CXXC1: variants seen among roughly 807,000 people sequenced by gnomAD.
CXXC1 encodes CXXC finger protein 1.
A neutral mutation model predicts 83.6 loss-of-function variants in CXXC1; 21 were observed. The observed-to-expected ratio is 0.25, with a 90% confidence interval of 0.18 to 0.36. The LOEUF is 0.36. CXXC1 is among the 10% of genes least tolerant of loss of function. CXXC1 has a pLI of 1.00. For synonymous variants in CXXC1, 371 were observed against 337.5 expected (o/e 1.10, Z -1.09); for missense variants, 688 against 919.5 (o/e 0.75, Z 3.26).
In CXXC1 at chr18:50,287,594, C is replaced by T. The variant is rs751211763; in HGVS notation, c.-5G>A. 5 of 1,611,628 alleles carry T rather than the reference C, an allele frequency of 3.1e-6. No homozygotes were observed. The highest frequency in any genetic ancestry group is 4.2e-6 in the Non-Finnish European group (5 of 1,179,860). ...CCTGGACCCGCTACTTACCATATCT[C>T]CGCTCCCGGCGCACTCCCTCACGAC... On this transcript the variant is annotated 5_prime_UTR_variant, in exon 1 of 15. Coordinates refer to ENST00000285106, the MANE Select transcript of CXXC1 (RefSeq NM_014593.4).
rs2040706550 is a variant in CXXC1, at chr18:50,285,997, C to A, written c.459+25G>T. ...GCTGAAACGGAACCACTTTACACAT[C>A]CATTCACTTTATGCAGCCACTCACC... On this transcript the variant is annotated intron_variant, in intron 4 of 14. Coordinates refer to ENST00000285106, the MANE Select transcript of CXXC1 (RefSeq NM_014593.4). The surrounding 1 kb of genome is among the most constrained non-coding windows in gnomAD (Gnocchi z 4.4). 6.2e-7 allele frequency: 1 copy of A among 1,613,696 alleles called. No individual in the cohort carries two copies. The highest frequency in any genetic ancestry group is 1.3e-5 in the African/African-American group (1 of 74,946).
At position 50,283,752 on chromosome 18, in the gene CXXC1, T is replaced by C; in HGVS notation, c.1477A>G (p.Ile493Val). 2 of 1,614,230 alleles carry C rather than the reference T, an allele frequency of 1.2e-6. No individual in the cohort carries two copies. Among genetic ancestry groups the C allele is most frequent in the Non-Finnish European group, 1.7e-6 (2 of 1,180,044 alleles). ...TGGCGCAAGGCAACACGTGGGTTGA[T>C]GGGGTGCCCACAGGAAACACAGAAG... ...QIFCVSCGHP[I>V]NPRVALRHME... The change falls in exon 11 of 15, where the codon ATC (isoleucine) becomes GTC (valine). Residue 493 changes from isoleucine (I) to valine (V), a missense_variant. Ile to Val is a conservative substitution (Grantham distance 29, BLOSUM62 3). Coordinates refer to ENST00000285106, the MANE Select transcript of CXXC1 (RefSeq NM_014593.4).
rs2040689953 is a variant in CXXC1, at chr18:50,285,001, C to G, written c.912+1G>C. 1 of 1,614,214 alleles carries G rather than the reference C, an allele frequency of 6.2e-7. No homozygotes were observed. The highest frequency in any genetic ancestry group is 1.1e-5 in the South Asian group (1 of 91,088). On this transcript the variant is annotated splice_donor_variant, in intron 7 of 14. Transcript: ENST00000285106. LOFTEE classifies it high-confidence loss of function. The surrounding 1 kb of genome is among the most constrained non-coding windows in gnomAD (Gnocchi z 4.4). ...ACCAGTGGATGCTCCTGTCTGCTCA[C>G]CAGGCCATGGTCATCAAAGGCCCCT...
rs759232851 is a variant in CXXC1 at position 50,287,641 on chromosome 18, C to T, written c.-52G>A. 2 of 1,605,150 alleles carry T rather than the reference C, an allele frequency of 1.2e-6. No individual in the cohort carries two copies. Among genetic ancestry groups the T allele is most frequent in the Admixed American group, 1.7e-5 (1 of 59,556 alleles). ...CGACCCCCGCCAGCGACCCGCGAACCTGCACAGACCACTCGGCGGCGTCCC... is the reference window on the plus strand; with the variant it reads ...CGACCCCCGCCAGCGACCCGCGAACTTGCACAGACCACTCGGCGGCGTCCC... On this transcript the variant is annotated 5_prime_UTR_variant, in exon 1 of 15. Coordinates refer to ENST00000285106, the MANE Select transcript of CXXC1 (RefSeq NM_014593.4).
At chr18:50,286,715 C>A (rs757739093) in intron 2 of CXXC1, 25 bp downstream of exon 2, 3 of 1,609,848 alleles carry the variant, frequency 1.9e-6, no homozygotes, top group African/African-American at 2.7e-5. Flanking sequence ...CCAGTGTCAG[C>A]CCCGCCCATC....
At position 50,285,040 on chromosome 18, in the gene CXXC1, GATAC is replaced by G; in HGVS notation, c.870_873del (p.Tyr291ArgfsTer16). 1 of 1,614,244 alleles carries G rather than the reference GATAC, an allele frequency of 6.2e-7. No individual in the cohort carries two copies. The highest frequency in any genetic ancestry group is 8.5e-7 in the Non-Finnish European group (1 of 1,180,040). ...TCAAAGGCCCCTGCACAGAAGTCCT[GATAC>G]AGGTCAGGATCCAGAGGTAGGTCCT... On this transcript the variant is annotated frameshift_variant, in exon 7 of 15. Transcript: ENST00000285106. LOFTEE classifies it high-confidence loss of function. The surrounding 1 kb of genome is among the most constrained non-coding windows in gnomAD (Gnocchi z 4.4).
At position 50,284,714 on chromosome 18, in the gene CXXC1, C is replaced by T. The variant is rs1273419471; in HGVS notation, c.1020+18G>A. On this transcript the variant is annotated intron_variant, in intron 8 of 14. Transcript: ENST00000285106. ...CCCACCCTCTGCCTTTCCACATCCA[C>T]TTTACCCTCTCCATCACCTTCTTCT... The T allele has an allele frequency of 6.2e-7, 1 of 1,611,876 alleles. No individual in the cohort carries two copies. Among genetic ancestry groups the T allele is most frequent in the African/African-American group, 1.3e-5 (1 of 74,846 alleles).
chr18:50,287,387 T>C, intron 1 of CXXC1, 200 bp downstream of exon 1: 1 of 625,668 alleles, frequency 1.6e-6, no homozygotes, highest in South Asian at 1.9e-5. Context: ...GAGTCCCCAC[T>C]AAACTTCTAT....
chr18:50,287,236 C>A, intron 1 of CXXC1: 2 of 506,360 alleles, frequency 3.9e-6, no homozygotes, highest in South Asian at 2.5e-5. Context: ...CACCCACCCC[C>A]AGTCGCGGCT....
Position 50,285,968 on chromosome 18 carries a change from C to T in CXXC1, c.460-40G>A. The T allele has an allele frequency of 7.4e-6, 12 of 1,613,876 alleles. No homozygotes were observed. Among genetic ancestry groups the T allele is most frequent in the Non-Finnish European group, 1.0e-5 (12 of 1,180,002 alleles). On this transcript the variant is annotated intron_variant, in intron 4 of 14. Transcript: ENST00000285106. The surrounding 1 kb of genome is among the most constrained non-coding windows in gnomAD (Gnocchi z 4.4). ...CCAGAACAGAAATCATGGACCCAGG[C>T]AGGGCTGAAACGGAACCACTTTACA...
chr18:50,286,467 T>C (rs1346602869), intron 3 of CXXC1, 72 bp downstream of exon 3: 7 of 1,303,082 alleles, frequency 5.4e-6, no homozygotes, highest in Non-Finnish European at 5.5e-6. Flanking sequence ...CTAATCCCCA[T>C]AACCCCCCCT....
intron 13 of CXXC1, 42 bp downstream of exon 13, chr18:50,283,223 G>C: frequency 6.6e-7 from 1 of 1,525,590 alleles, no homozygotes; most frequent in Non-Finnish European, 9.1e-7. Flanking sequence ...CAGCGAGGCA[G>C]GGAGGAGGGG....
rs1388889957 is a variant in CXXC1 at position 50,284,488 on chromosome 18, A to G, written c.1095T>C (p.Asp365=). ...GGGGCAGTGACGCAGGGTCCTTGGCATCAGCCCTCTCTGGGTGTTTCCATT... is the reference window on the plus strand; with the variant it reads ...GGGGCAGTGACGCAGGGTCCTTGGCGTCAGCCCTCTCTGGGTGTTTCCATT... ...KDKWKHPERA[D]AKDPASLPQC... Residue 365 remains aspartate, a synonymous_variant, in exon 9 of 15, where the codon GAT becomes GAC. Transcript: ENST00000285106. 3 of 1,609,736 alleles carry G rather than the reference A, an allele frequency of 1.9e-6. No homozygotes were observed. In the African/African-American group the frequency reaches 4.0e-5, roughly 22 times the overall value.
rs762394389 is a variant in CXXC1, at chr18:50,282,789, C to G, written c.1825-50G>C. ...TAAGCAGGAACACCTGCAGCCCCGC[C>G]TGCCCCGGCCACGTCCGACATGGAA... On this transcript the variant is annotated intron_variant, in intron 14 of 14. Transcript: ENST00000285106. The surrounding 1 kb of genome is among the most constrained non-coding windows in gnomAD (Gnocchi z 5.8). The G allele has an allele frequency of 1.9e-6, 3 of 1,612,000 alleles. No homozygotes were observed. The South Asian group carries it at 3.3e-5, about 18-fold the overall frequency.
rs927717165 is a variant in CXXC1 at position 50,286,603 on chromosome 18, G to T, written c.159C>A (p.Asp53Glu). 6 of 1,614,058 alleles carry T rather than the reference G, an allele frequency of 3.7e-6. No homozygotes were observed. In the African/African-American group the frequency reaches 8.0e-5, roughly 22 times the overall value. ...CDNCNEWFHG[D>E]CIRITEKMAK... ...CCATCTTCTCAGTGATCCGGATGCAGTCCCCATGGAACCACTCATTGCAGT... is the reference window on the plus strand; with the variant it reads ...CCATCTTCTCAGTGATCCGGATGCATTCCCCATGGAACCACTCATTGCAGT... Residue 53 changes from aspartate to glutamate, a missense_variant, in exon 3 of 15, where the codon GAC becomes GAA. Physicochemically the swap from Asp to Glu is conservative, Grantham distance 45 (BLOSUM62 2). Transcript: ENST00000285106.
chr18:50,284,210 G>A, intron 9 of CXXC1, 109 bp from the exon 10 acceptor site: 1 of 1,449,434 alleles, frequency 6.9e-7, no homozygotes, highest in Non-Finnish European at 9.4e-7. Context: ...TGGCGGAATG[G>A]TGGCTGGATG....
At position 50,285,462 on chromosome 18, in the gene CXXC1, A is replaced by G; in HGVS notation, c.640-111T>C. The G allele has an allele frequency of 7.7e-7, 1 of 1,306,440 alleles. No individual in the cohort carries two copies. Among genetic ancestry groups the G allele is most frequent in the Non-Finnish European group, 1.0e-6 (1 of 959,498 alleles). The allele number at this position is 1,306,440 out of a possible 1,614,324, so 80.9% of individuals were successfully genotyped here. A position where few individuals can be genotyped will look rare whatever the true frequency, so the allele number is the denominator to read the frequency against. On this transcript the variant is annotated intron_variant, in intron 5 of 14. Transcript: ENST00000285106. The surrounding 1 kb of genome is among the most constrained non-coding windows in gnomAD (Gnocchi z 4.4). ...ACCTCCCCAGACACACCTCCCCGCTACCCCTCATTGCCAGGAATGCTCAGC... is the reference window on the plus strand; with the variant it reads ...ACCTCCCCAGACACACCTCCCCGCTGCCCCTCATTGCCAGGAATGCTCAGC...
rs1003825041 is a variant in CXXC1 at position 50,285,653 on chromosome 18, A to G, written c.639+96T>C. 6.8e-7 allele frequency: 1 copy of G among 1,466,408 alleles called. No individual in the cohort carries two copies. Among genetic ancestry groups the G allele is most frequent in the East Asian group, 2.3e-5 (1 of 44,130 alleles). 90.8% of individuals were successfully genotyped at this position (1,466,408 alleles called of 1,614,324 possible). A position where few individuals can be genotyped will look rare whatever the true frequency, so the allele number is the denominator to read the frequency against. On this transcript the variant is annotated intron_variant, in intron 5 of 14. Transcript: ENST00000285106. The surrounding 1 kb of genome is among the most constrained non-coding windows in gnomAD (Gnocchi z 4.4). ...ACCTGTCAGGATACAGTCAGGCCCA[A>G]TCCCACCTGGTTTATCCATGCCTAG...
rs1302256057 is a variant in CXXC1 at position 50,283,874 on chromosome 18, C to A, written c.1413+20G>T. 5 of 1,613,876 alleles carry A rather than the reference C, an allele frequency of 3.1e-6. No homozygotes were observed. Among genetic ancestry groups the A allele is most frequent in the East Asian group, 4.5e-5 (2 of 44,884 alleles). On this transcript the variant is annotated intron_variant, in intron 10 of 14. Transcript: ENST00000285106. The stretch of plus-strand genomic sequence containing the variant: ...AGGACAAAGTACAGGCCCTGCTCTG[C>A]TGCGCCCCTGCTTGCTCACCTCCTC...
Sources: gnomAD v4.1 joint callset for allele counts on GRCh38, gnomAD v4.1.1 for gene constraint, Gnocchi (gnomAD v3.1) non-coding constraint, MANE v1.5 for transcripts, NCBI Gene and HGNC (gene_info 2026-07-23, HGNC 2026-07-21) for gene names.